ENOX2: variants seen among roughly 807,000 people sequenced by gnomAD.
ENOX2 encodes ecto-NOX disulfide-thiol exchanger 2, also known as APK1 antigen.
ENOX2 carries 36 observed loss-of-function variants against 45.0 expected under a neutral mutation model. The ratio of observed to expected loss-of-function variants is 0.80; its 90% CI spans 0.61 to 1.06. ENOX2 has a LOEUF of 1.06. Among genes scored for constraint, ENOX2 ranks in the 50% least tolerant of loss-of-function variants. The pLI, the probability that ENOX2 is intolerant of heterozygous loss-of-function variation, is 0.00. For synonymous variants in ENOX2, 174 were observed against 152.3 expected, an observed-to-expected ratio of 1.14 and a Z score of -1.05; for missense variants, 423 against 462.5, an observed-to-expected ratio of 0.91 and a Z score of 0.78.
At chrX:130,746,052 C>G (rs1208242123) in intron 3 of ENOX2, among the ~76,000 whole-genome samples, 1 of 112,215 alleles carries the variant, frequency 8.9e-6, no homozygotes, top group Non-Finnish European at 1.9e-5. Context: ...CTGTGATGAA[C>G]TATAACCTCT....
intron 2 of ENOX2, among the ~76,000 whole-genome samples, chrX:130,894,698 T>C (rs2079033674): frequency 9.0e-6 from 1 of 111,414 alleles, no homozygotes; most frequent in Non-Finnish European, 1.9e-5. Context: ...TCCCTACATA[T>C]AGGACAATGG....
chrX:130,790,217 G>A (rs2077023060), intron 2 of ENOX2, among the ~76,000 whole-genome samples: 1 of 112,283 alleles, frequency 8.9e-6, no homozygotes, highest in Admixed American at 9.4e-5. Flanking sequence ...AAGCACTAAG[G>A]GGCTTGCTTG....
rs143291363 is a variant in ENOX2, at chrX:130,718,789, C to T, written c.-38-15535G>A. Among the ~76,000 whole-genome samples the T allele has an allele frequency of 1.2e-3, 135 of 111,674 alleles. 1 individual carries two copies. Among genetic ancestry groups the T allele is most frequent in the African/African-American group, 4.2e-3 (129 of 30,746 alleles). On this transcript the variant is annotated intron_variant, in intron 3 of 14. Coordinates refer to ENST00000394363, the MANE Select transcript of ENOX2 (RefSeq NM_006375.4). ...TGTGGAAGCTTCCCCCCGCATCCCC[C>T]GACTTCAAACATCTTCCCCAAATCC...
intron 2 of ENOX2, among the ~76,000 whole-genome samples, chrX:130,814,949 C>T (rs765868522): frequency 2.5e-4 from 28 of 111,243 alleles, no homozygotes; most frequent in African/African-American, 8.8e-4. Flanking sequence ...CAAACTCCTC[C>T]GAGCTAAAGG....
At chrX:130,748,628 G>A (rs1389755532) in intron 3 of ENOX2, among the ~76,000 whole-genome samples, 1 of 111,975 alleles carries the variant, frequency 8.9e-6, no homozygotes, top group Non-Finnish European at 1.9e-5. Context: ...CATTTGGATG[G>A]GATGATCCTA....
intron 9 of ENOX2, among the ~76,000 whole-genome samples, chrX:130,657,547 T>G (rs1342817830): frequency 3.6e-5 from 4 of 112,084 alleles, no homozygotes; most frequent in Non-Finnish European, 7.5e-5. Flanking sequence ...ATATAAGATC[T>G]GCTCAAATGT....
At chrX:130,733,170 A>G (rs764761542) in intron 3 of ENOX2, among the ~76,000 whole-genome samples, 149 of 112,079 alleles carry the variant, frequency 1.3e-3, no homozygotes, top group Non-Finnish European at 2.4e-3. Flanking sequence ...CTACAACTCA[A>G]TAACAAAGAA....
intron 14 of ENOX2, among the ~76,000 whole-genome samples, chrX:130,627,433 T>C (rs1323715006): frequency 2.7e-5 from 3 of 110,295 alleles, no homozygotes; most frequent in East Asian, 5.7e-4. Context: ...ATACAAAAAT[T>C]AGCCAGGCAT....
At chrX:130,850,312 A>C (rs1336060635) in intron 2 of ENOX2, among the ~76,000 whole-genome samples, 2 of 111,814 alleles carry the variant, frequency 1.8e-5, no homozygotes, top group Admixed American at 9.5e-5. Flanking sequence ...TTATGAGTGT[A>C]TCATCAGTGC....
At chrX:130,634,891 T>A in intron 12 of ENOX2, 93 bp downstream of exon 12, 1 of 482,700 alleles carries the variant, frequency 2.1e-6, no homozygotes. Flanking sequence ...TTTGGCCCCA[T>A]TGATTTCTAG....
At chrX:130,714,896 G>A (rs772063997) in intron 3 of ENOX2, among the ~76,000 whole-genome samples, 7 of 111,639 alleles carry the variant, frequency 6.3e-5, no homozygotes, top group Non-Finnish European at 1.3e-4. Context: ...AGGAAGTGAT[G>A]TGAAGCTGGA....
chrX:130,736,812 G>A (rs1020604961), intron 3 of ENOX2, among the ~76,000 whole-genome samples: 1 of 111,573 alleles, frequency 9.0e-6, no homozygotes, highest in African/African-American at 3.3e-5. Flanking sequence ...AAAATGGCTT[G>A]GAGACATCAC....
chrX:130,757,922 G>A (rs2039391442), intron 3 of ENOX2, among the ~76,000 whole-genome samples: 1 of 110,870 alleles, frequency 9.0e-6, no homozygotes, highest in African/African-American at 3.3e-5. Flanking sequence ...TTTACTTTCT[G>A]TAGACATGAG....
intron 9 of ENOX2, among the ~76,000 whole-genome samples, chrX:130,663,531 CAAAAAA>C (rs771813859): frequency 4.6e-5 from 2 of 43,040 alleles, no homozygotes; most frequent in East Asian, 6.4e-4. Flanking sequence ...ACTCCGTCTC[CAAAAAA>C]AAAAAAAAAA....
intron 14 of ENOX2, among the ~76,000 whole-genome samples, chrX:130,626,264 C>T (rs2035544259): frequency 8.9e-6 from 1 of 112,134 alleles, no homozygotes; most frequent in Non-Finnish European, 1.9e-5. Context: ...GCCTTCTTCC[C>T]AGTGCTGGCA....
intron 2 of ENOX2, among the ~76,000 whole-genome samples, chrX:130,859,711 G>C (rs2078378984): frequency 8.9e-6 from 1 of 111,918 alleles, no homozygotes; most frequent in Admixed American, 9.4e-5. Context: ...TGTCTGACAG[G>C]GTGGGGGATG....
intron 3 of ENOX2, among the ~76,000 whole-genome samples, chrX:130,720,474 C>T (rs1167067795): frequency 1.8e-5 from 2 of 112,154 alleles, no homozygotes; most frequent in Non-Finnish European, 3.8e-5. Context: ...CTCACCCTCT[C>T]GGCTGTAGTG....
chrX:130,827,594 G>C (rs1354566433), intron 2 of ENOX2, among the ~76,000 whole-genome samples: 1 of 111,027 alleles, frequency 9.0e-6, no homozygotes, highest in Non-Finnish European at 1.9e-5. Context: ...TTTTCCCCCA[G>C]CATATTACAG....
In ENOX2 at chrX:130,766,260, A is replaced by C. The variant is rs187112001; in HGVS notation, c.-39+17287T>G. On this transcript the variant is annotated intron_variant, in intron 3 of 14. Transcript: ENST00000394363. The stretch of plus-strand genomic sequence containing the variant: ...CCAAATGTGTGTGTACAATTTTCTG[A>C]AATGTCTGTTCATGTCCTTTGTCCA... 1.8e-4 allele frequency among the ~76,000 whole-genome samples: 20 copies of C among 111,514 alleles called. No individual in the cohort carries two copies. The East Asian group carries it at 3.7e-3, about 20-fold the overall frequency.
Sources: gnomAD v4.1 joint callset for allele counts (sites outside exome capture counted in the v4.1 genomes callset) on GRCh38, gnomAD v4.1.1 for gene constraint, MANE v1.5 for transcripts, NCBI Gene and HGNC (gene_info 2026-07-23, HGNC 2026-07-21) for gene names.